Variants in AUTS2 observed in about 807,000 individuals in gnomAD.
AUTS2 encodes autism susceptibility gene 2 protein.
In AUTS2, 17 loss-of-function variants were observed where a neutral mutation model predicts 112.4. The ratio of observed to expected loss-of-function variants is 0.15; its 90% CI spans 0.10 to 0.23. The LOEUF (loss-of-function observed/expected upper bound fraction) is 0.23. AUTS2 is among the 10% of genes least tolerant of loss of function. The pLI is 1.00. For synonymous variants in AUTS2, 751 were observed against 702.7 expected, an observed-to-expected ratio of 1.07 and a Z score of -1.09; for missense variants, 1,510 against 1,701.6, an observed-to-expected ratio of 0.89 and a Z score of 1.98.
At chr7:70,125,520 T>C (rs543160185) in intron 3 of AUTS2, among the ~76,000 whole-genome samples, 1 of 152,308 alleles carries the variant, frequency 6.6e-6, no homozygotes, top group East Asian at 1.9e-4. Flanking sequence ...CTCTCACAGA[T>C]GTGCTGACTA....
chr7:70,152,085 G>A (rs1043805701), intron 4 of AUTS2, among the ~76,000 whole-genome samples: 1 of 152,106 alleles, frequency 6.6e-6, no homozygotes, highest in African/African-American at 2.4e-5. Flanking sequence ...AGACATTGCA[G>A]GAGAAAAGAT....
chr7:70,787,742 C>T (rs763917110), intron 18 of AUTS2, among the ~76,000 whole-genome samples: 9 of 152,190 alleles, frequency 5.9e-5, no homozygotes, highest in African/African-American at 2.2e-4. Flanking sequence ...GTTGGAGCTT[C>T]GGGCCAGACA....
chr7:70,057,675 G>T lies in AUTS2; in HGVS notation c.523-60457G>T, dbSNP rs138325335. Among the ~76,000 whole-genome samples, 49 of 152,228 alleles carry T rather than the reference G, an allele frequency of 3.2e-4. 2 individuals carry two copies. The highest frequency in any genetic ancestry group is 1.2e-3 in the African/African-American group (49 of 41,534). The stretch of plus-strand genomic sequence containing the variant: ...TGTGTTTTCTGTATCTCTTATCAAA[G>T]CTCTCCAGGGTCCCTAGACCCTCTG... On this transcript the variant is annotated intron_variant, in intron 2 of 18. Transcript: ENST00000342771.
chr7:70,565,100 A>AAAAT (rs1217552551), intron 5 of AUTS2, among the ~76,000 whole-genome samples: 1 of 152,128 alleles, frequency 6.6e-6, no homozygotes, highest in Non-Finnish European at 1.5e-5. Context: ...TCTGTCTCAA[A>AAAAT]AAATAAATAA....
At chr7:70,007,460 C>A (rs1415492140) in intron 2 of AUTS2, among the ~76,000 whole-genome samples, 1 of 151,952 alleles carries the variant, frequency 6.6e-6, no homozygotes, top group African/African-American at 2.4e-5. Context: ...TATAAACTTA[C>A]ATTAATATTG....
At chr7:70,181,372 A>G (rs1033553393) in intron 4 of AUTS2, among the ~76,000 whole-genome samples, 2 of 152,220 alleles carry the variant, frequency 1.3e-5, no homozygotes, top group African/African-American at 2.4e-5. Context: ...TTGAAGCCAT[A>G]TGCTTTAGAG....
rs553439865 is a variant in AUTS2 at position 69,622,884 on chromosome 7, C to T, written c.309+22922C>T. ...CTTTTTCCCTAAAGGAATCCTCCCA[C>T]CTCAGCCTCCTAAGTAGTTGGGACC... On this transcript the variant is annotated intron_variant, in intron 1 of 18. Coordinates refer to ENST00000342771, the MANE Select transcript of AUTS2 (RefSeq NM_015570.4). Among the ~76,000 whole-genome samples the T allele has an allele frequency of 2.0e-5, 3 of 152,316 alleles. No individual in the cohort carries two copies. In the South Asian group the frequency reaches 6.2e-4, roughly 32 times the overall value.
At chr7:70,531,075 G>T (rs1374530239) in intron 5 of AUTS2, among the ~76,000 whole-genome samples, 2 of 63,170 alleles carry the variant, frequency 3.2e-5, no homozygotes, top group Non-Finnish European at 6.2e-5. Flanking sequence ...AAGTATTTGT[G>T]ATACAGCCCT....
intron 5 of AUTS2, among the ~76,000 whole-genome samples, chr7:70,548,915 T>C (rs1464797531): frequency 8.7e-6 from 1 of 114,922 alleles, no homozygotes; most frequent in Non-Finnish European, 1.8e-5. Flanking sequence ...GATCATCTTG[T>C]CAATTTCTAC....
At chr7:70,054,122 G>T (rs1261439551) in intron 2 of AUTS2, among the ~76,000 whole-genome samples, 5 of 152,118 alleles carry the variant, frequency 3.3e-5, no homozygotes, top group African/African-American at 9.7e-5. Context: ...ATATGCATTT[G>T]ATATGTGGCT....
intron 5 of AUTS2, chr7:70,436,082 T>TTTAATA: frequency 3.2e-6 from 1 of 308,388 alleles, no homozygotes; most frequent in Non-Finnish European, 5.9e-6. Context: ...AATTATTTAT[T>TTTAATA]TTAATAACCA....
At chr7:70,632,031 A>G (rs957449690) in intron 5 of AUTS2, among the ~76,000 whole-genome samples, 1 of 151,840 alleles carries the variant, frequency 6.6e-6, no homozygotes, top group Non-Finnish European at 1.5e-5. Flanking sequence ...ACAAGTGATA[A>G]GCAGGACAAA....
At chr7:69,714,698 C>G (rs1269618094) in intron 1 of AUTS2, among the ~76,000 whole-genome samples, 2 of 152,114 alleles carry the variant, frequency 1.3e-5, no homozygotes, top group Non-Finnish European at 2.9e-5. Flanking sequence ...GGTTCCTTTA[C>G]CTTTCCATAG....
intron 1 of AUTS2, among the ~76,000 whole-genome samples, chr7:69,644,460 T>A (rs1484492020): frequency 2.0e-5 from 3 of 151,756 alleles, no homozygotes; most frequent in African/African-American, 7.3e-5. Flanking sequence ...TGGGAAGTTA[T>A]GTAGTGAATT....
intron 5 of AUTS2, among the ~76,000 whole-genome samples, chr7:70,684,823 G>T (rs931808591): frequency 2.0e-5 from 3 of 152,110 alleles, no homozygotes; most frequent in Non-Finnish European, 2.9e-5. Flanking sequence ...CTAAAATAAG[G>T]AAGAAACTCT....
chr7:70,243,329 A>T (rs1042613485), intron 4 of AUTS2, among the ~76,000 whole-genome samples: 1 of 151,452 alleles, frequency 6.6e-6, no homozygotes, highest in African/African-American at 2.4e-5. Context: ...AAATGGTCCT[A>T]ATCAATGGGA....
chr7:70,747,049 T>A (rs1296882314), intron 6 of AUTS2, among the ~76,000 whole-genome samples: 1 of 150,984 alleles, frequency 6.6e-6, no homozygotes, highest in East Asian at 1.9e-4. Context: ...TGGAAGGGGG[T>A]GGGTGTGATT....
chr7:70,785,831 TG>T, intron 16 of AUTS2, 123 bp from the exon 17 acceptor site: 1 of 803,832 alleles, frequency 1.2e-6, no homozygotes, highest in Non-Finnish European at 2.0e-6. Context: ...GTAGGAAAAG[TG>T]GGACAGGCCA....
chr7:70,111,991 G>A (rs1805112112), intron 2 of AUTS2, among the ~76,000 whole-genome samples: 1 of 151,592 alleles, frequency 6.6e-6, no homozygotes, highest in African/African-American at 2.4e-5. Flanking sequence ...CTCATTTTTA[G>A]AATTCTCTTC....
Sources: allele counts gnomAD v4.1 joint callset (sites outside exome capture counted in the v4.1 genomes callset), GRCh38; gene constraint gnomAD v4.1.1; transcripts MANE v1.5; gene names NCBI Gene and HGNC (gene_info 2026-07-23, HGNC 2026-07-21).